Variants in HS6ST2 observed in about 807,000 individuals in gnomAD.
The protein encoded by HS6ST2 is heparan-sulfate 6-O-sulfotransferase 2.
A neutral mutation model predicts 33.0 loss-of-function variants in HS6ST2; 17 were observed. The observed-to-expected ratio is 0.52, with a 90% CI of 0.35 to 0.77. The LOEUF is 0.77. Among genes scored for constraint, HS6ST2 ranks in the 30% least tolerant of loss-of-function variants. The pLI is 0.01. For missense variants in HS6ST2, 519 were observed against 551.7 expected (o/e 0.94, Z 0.59); for synonymous variants, 248 against 237.1 (o/e 1.05, Z -0.42).
chrX:132,657,579 T>C (rs1444164910), intron 4 of HS6ST2, among the ~76,000 whole-genome samples: 1 of 109,138 alleles, frequency 9.2e-6, no homozygotes, highest in African/African-American at 3.3e-5. Context: ...CCATGAAGTA[T>C]GTTTTTGTAA....
At chrX:132,645,790 T>C (rs1197607422) in intron 4 of HS6ST2, among the ~76,000 whole-genome samples, 1 of 112,689 alleles carries the variant, frequency 8.9e-6, no homozygotes, top group African/African-American at 3.2e-5. Flanking sequence ...CAGTTCATTT[T>C]CAAGGATTAA....
intron 2 of HS6ST2, among the ~76,000 whole-genome samples, chrX:132,776,636 AC>A (rs1247657974): frequency 2.8e-5 from 3 of 108,526 alleles, no homozygotes; most frequent in African/African-American, 3.4e-5. Flanking sequence ...CACTATCCAA[AC>A]CCCCCCTGCA....
At chrX:132,709,416 C>G (rs779371743) in intron 2 of HS6ST2, among the ~76,000 whole-genome samples, 10 of 111,677 alleles carry the variant, frequency 9.0e-5, no homozygotes, top group East Asian at 5.6e-4. Context: ...GTTAAGAGAG[C>G]CTTTTTTAAT....
intron 2 of HS6ST2, among the ~76,000 whole-genome samples, chrX:132,950,677 T>G (rs919244379): frequency 1.8e-5 from 2 of 112,047 alleles, no homozygotes; most frequent in African/African-American, 6.5e-5. Context: ...TGTTGTAAAT[T>G]GTCTGGTCAT....
intron 2 of HS6ST2, among the ~76,000 whole-genome samples, chrX:132,898,182 C>A (rs2066393726): frequency 9.1e-6 from 1 of 109,627 alleles, no homozygotes; most frequent in Non-Finnish European, 1.9e-5. Flanking sequence ...CATCCCCCAC[C>A]TCCCCCTGTC....
At chrX:132,726,027 G>T (rs1602615009) in intron 2 of HS6ST2, among the ~76,000 whole-genome samples, 3 of 110,792 alleles carry the variant, frequency 2.7e-5, no homozygotes, top group African/African-American at 9.9e-5. Context: ...GTAGTGGAGG[G>T]GGGTAGGGGG....
chrX:132,757,127 C>A (rs1355983951), intron 2 of HS6ST2, among the ~76,000 whole-genome samples: 2 of 111,458 alleles, frequency 1.8e-5, no homozygotes, highest in Admixed American at 1.9e-4. Context: ...CAATCAAAGT[C>A]ACAAGGAGCA....
At chrX:132,780,453 C>G (rs1287662149) in intron 2 of HS6ST2, among the ~76,000 whole-genome samples, 1 of 110,799 alleles carries the variant, frequency 9.0e-6, no homozygotes, top group Non-Finnish European at 1.9e-5. Flanking sequence ...ATCATTGAAC[C>G]CTCATAACTA....
chrX:132,735,251 G>A (rs1273032567), intron 2 of HS6ST2: 2 of 111,185 alleles, frequency 1.8e-5, no homozygotes, highest in African/African-American at 6.5e-5. Context: ...AGCTTCCTGG[G>A]AAAGAGGCTT....
At chrX:132,853,834 G>A (rs752214786) in intron 2 of HS6ST2, among the ~76,000 whole-genome samples, 1 of 110,884 alleles carries the variant, frequency 9.0e-6, no homozygotes, top group Non-Finnish European at 1.9e-5. Context: ...ACCAGCCTGG[G>A]CAACATGACA....
chrX:132,704,584 G>T (rs1569482347), intron 3 of HS6ST2, among the ~76,000 whole-genome samples: 1 of 111,527 alleles, frequency 9.0e-6, no homozygotes, highest in Non-Finnish European at 1.9e-5. Flanking sequence ...AAAGAAAGAT[G>T]ATTTTAATTA....
chrX:132,761,176 GA>G (rs1176036617), intron 2 of HS6ST2, among the ~76,000 whole-genome samples: 2 of 111,936 alleles, frequency 1.8e-5, no homozygotes, highest in Admixed American at 9.5e-5. Context: ...GAAAGGTACA[GA>G]AAATGAAGCA....
At chrX:132,857,297 A>G (rs1047855218) in intron 2 of HS6ST2, among the ~76,000 whole-genome samples, 3 of 111,119 alleles carry the variant, frequency 2.7e-5, no homozygotes, top group Non-Finnish European at 3.8e-5. Context: ...CAACCTGACC[A>G]ACATGGTGAA....
Position 132,676,390 on chromosome X carries a change from G to A in HS6ST2, c.981-7191C>T, listed in dbSNP as rs189414030. 2.0e-3 allele frequency among the ~76,000 whole-genome samples: 222 copies of A among 112,146 alleles called. 1 individual carries two copies. Among genetic ancestry groups the A allele is most frequent in the Non-Finnish European group, 3.1e-3 (165 of 53,233 alleles). On this transcript the variant is annotated intron_variant, in intron 3 of 4. Transcript: ENST00000370833. ...AATGTACCAAGTGGAATAAACAAGT[G>A]TGAAAAAATGCTAGGGAAATAAAAC...
intron 2 of HS6ST2, among the ~76,000 whole-genome samples, chrX:132,717,723 T>C (rs2064288582): frequency 8.9e-6 from 1 of 112,144 alleles, no homozygotes; most frequent in Non-Finnish European, 1.9e-5. Flanking sequence ...TCTTTCTGTT[T>C]GGCAGGTGTA....
intron 2 of HS6ST2, among the ~76,000 whole-genome samples, chrX:132,859,373 C>A (rs1284044063): frequency 9.0e-6 from 1 of 110,787 alleles, no homozygotes; most frequent in Non-Finnish European, 1.9e-5. Context: ...TATCAACACT[C>A]TAATGGAAGC....
At chrX:132,919,869 C>T (rs2066633145) in intron 2 of HS6ST2, among the ~76,000 whole-genome samples, 2 of 112,107 alleles carry the variant, frequency 1.8e-5, no homozygotes, top group East Asian at 5.6e-4. Context: ...CTGATTTACC[C>T]TTTAAGATTT....
chrX:132,750,909 T>C (rs956137684), intron 2 of HS6ST2, among the ~76,000 whole-genome samples: 7 of 112,191 alleles, frequency 6.2e-5, no homozygotes, highest in African/African-American at 2.3e-4. Context: ...GATCTGTTGC[T>C]ACTCAGATCT....
intron 2 of HS6ST2, among the ~76,000 whole-genome samples, chrX:132,845,822 A>C (rs2065746224): frequency 9.0e-6 from 1 of 111,458 alleles, no homozygotes; most frequent in African/African-American, 3.3e-5. Context: ...CTCCCATCAA[A>C]TACGTTATTC....
Sources: gnomAD v4.1 joint callset for allele counts (sites outside exome capture counted in the v4.1 genomes callset) on GRCh38, gnomAD v4.1.1 for gene constraint, MANE v1.5 for transcripts, NCBI Gene and HGNC (gene_info 2026-07-23, HGNC 2026-07-21) for gene names.